B4GALT1: variants seen among roughly 807,000 people sequenced by gnomAD.
B4GALT1 encodes the protein beta-1,4-galactosyltransferase 1.
Under a neutral mutation model 34.9 loss-of-function variants are expected in B4GALT1, and 16 were observed. The observed-to-expected ratio is 0.46, with a 90% confidence interval of 0.31 to 0.70. The LOEUF is 0.70. B4GALT1 is among the 30% of genes least tolerant of loss of function. The pLI is 0.05. For missense variants in B4GALT1, 445 were observed against 530.5 expected (o/e 0.84, Z 1.58); for synonymous variants, 221 against 218.1 (o/e 1.01, Z -0.12).
At chr9:33,139,916 G>A (rs946271041) in intron 1 of B4GALT1, among the ~76,000 whole-genome samples, 3 of 152,250 alleles carry the variant, frequency 2.0e-5, no homozygotes, top group African/African-American at 7.2e-5. Context: ...GGGAGGCAGG[G>A]TTACGTAAGC....
At chr9:33,182,852 A>C in the B4GALT1 span, among the ~76,000 whole-genome samples, 1 of 152,192 alleles carries the variant, frequency 6.6e-6, no homozygotes, top group Non-Finnish European at 1.5e-5. Flanking sequence ...GAAAATTTTA[A>C]AAATATACAA....
Position 33,112,968 on chromosome 9 carries a change from G to T in B4GALT1, c.*486C>A. Reference sequence around the variant, plus strand: ...GCATACCACTGAAAGAAGGGGGTGGGGGGAGGACGTAACATTAAGAATGGT... The same window carrying T: ...GCATACCACTGAAAGAAGGGGGTGGTGGGAGGACGTAACATTAAGAATGGT... On this transcript the variant is annotated 3_prime_UTR_variant, in exon 6 of 6. Coordinates refer to ENST00000379731, the MANE Select transcript of B4GALT1 (RefSeq NM_001497.4). 4.0e-6 allele frequency: 1 copy of T among 249,092 alleles called. No homozygotes were observed. The highest frequency in any genetic ancestry group is 4.6e-5 in the South Asian group (1 of 21,702). 15.4% of individuals were successfully genotyped at this position (249,092 alleles called of 1,614,324 possible).
At chr9:33,158,729 C>A (rs920360427) in intron 1 of B4GALT1, among the ~76,000 whole-genome samples, 1 of 152,172 alleles carries the variant, frequency 6.6e-6, no homozygotes, top group Admixed American at 6.5e-5. Flanking sequence ...TGGCTCCCTG[C>A]ACCTCCTCAG....
At chr9:33,114,192 G>A (rs1839907286) in intron 4 of B4GALT1, among the ~76,000 whole-genome samples, 1 of 152,254 alleles carries the variant, frequency 6.6e-6, no homozygotes, top group Non-Finnish European at 1.5e-5. Flanking sequence ...ATGGAGGTGA[G>A]AAGAGGAAGA....
upstream of B4GALT1, among the ~76,000 whole-genome samples, chr9:33,168,355 G>A (rs183520843): frequency 1.3e-3 from 201 of 152,350 alleles, no homozygotes; most frequent in Non-Finnish European, 2.0e-3. Flanking sequence ...CTCAGGCCCT[G>A]AGTGAGCAGA....
chr9:33,150,394 G>A (rs1241704027), intron 1 of B4GALT1, among the ~76,000 whole-genome samples: 1 of 133,634 alleles, frequency 7.5e-6, no homozygotes, highest in Non-Finnish European at 1.6e-5. Context: ...CTGAAGTTAT[G>A]TCAAACTTTT....
chr9:33,141,854 C>G (rs539893435), intron 1 of B4GALT1, among the ~76,000 whole-genome samples: 1 of 152,158 alleles, frequency 6.6e-6, no homozygotes, highest in East Asian at 1.9e-4. Flanking sequence ...CATAAACCTA[C>G]AAGAAAACCT....
intron 1 of B4GALT1, among the ~76,000 whole-genome samples, chr9:33,136,309 G>A (rs767075658): frequency 1.3e-5 from 2 of 152,114 alleles, no homozygotes; most frequent in African/African-American, 2.4e-5. Flanking sequence ...GTGAGGTAAC[G>A]GCAGGTGGGA....
the B4GALT1 span, among the ~76,000 whole-genome samples, chr9:33,184,793 A>G: frequency 6.6e-6 from 1 of 152,214 alleles, no homozygotes; most frequent in East Asian, 1.9e-4. Context: ...AATGGGCCAC[A>G]CTGTTTAAGA....
At chr9:33,124,435 G>A (rs1001374444) in intron 2 of B4GALT1, among the ~76,000 whole-genome samples, 4 of 152,212 alleles carry the variant, frequency 2.6e-5, no homozygotes, top group African/African-American at 7.2e-5. Context: ...CCAGGCCTCA[G>A]TTCCCTCTTT....
chr9:33,125,147 A>G (rs772547758), intron 2 of B4GALT1, among the ~76,000 whole-genome samples: 3 of 152,228 alleles, frequency 2.0e-5, no homozygotes, highest in African/African-American at 7.2e-5. Flanking sequence ...AGAGACTGCC[A>G]CAAGATGGGG....
chr9:33,171,581 A>G (rs1383623408), upstream of B4GALT1, among the ~76,000 whole-genome samples: 1 of 151,830 alleles, frequency 6.6e-6, no homozygotes, highest in Admixed American at 6.6e-5. Flanking sequence ...TTTAGACAGG[A>G]TCTTCCTTTA....
At chr9:33,170,260 G>A (rs914725482), upstream of B4GALT1, among the ~76,000 whole-genome samples, 4 of 152,106 alleles carry the variant, frequency 2.6e-5, no homozygotes, top group African/African-American at 4.8e-5. Flanking sequence ...GTGAGCCACC[G>A]TGCCCGGCCG....
At chr9:33,157,558 AAC>A (rs1454820300) in intron 1 of B4GALT1, among the ~76,000 whole-genome samples, 1 of 152,258 alleles carries the variant, frequency 6.6e-6, no homozygotes, top group African/African-American at 2.4e-5. Flanking sequence ...GCTGCATGCA[AAC>A]AGTTTCACTC....
chr9:33,139,552 T>G (rs558870229), intron 1 of B4GALT1, among the ~76,000 whole-genome samples: 1 of 152,262 alleles, frequency 6.6e-6, no homozygotes, highest in Admixed American at 6.5e-5. Context: ...GAATGACTAA[T>G]TGGGTCGAGT....
intron 2 of B4GALT1, among the ~76,000 whole-genome samples, chr9:33,124,110 T>C (rs112148584): frequency 1.3e-5 from 2 of 152,290 alleles, no homozygotes; most frequent in African/African-American, 4.8e-5. Flanking sequence ...CTCCCCGGAA[T>C]GACAGAAAAG....
intron 2 of B4GALT1, among the ~76,000 whole-genome samples, chr9:33,127,217 C>G (rs908361411): frequency 1.3e-5 from 2 of 152,182 alleles, no homozygotes; most frequent in Admixed American, 6.5e-5. Flanking sequence ...CCCACCTCGG[C>G]CTCCCAAAGT....
At chr9:33,109,853 G>A (rs530313464), downstream of B4GALT1, among the ~76,000 whole-genome samples, 1 of 152,356 alleles carries the variant, frequency 6.6e-6, no homozygotes, top group Admixed American at 6.5e-5. Context: ...TCTAGGGGCA[G>A]AACTGAAGTG....
intron 1 of B4GALT1, among the ~76,000 whole-genome samples, chr9:33,164,729 A>G (rs1202530888): frequency 6.6e-6 from 1 of 152,164 alleles, no homozygotes; most frequent in Non-Finnish European, 1.5e-5. Flanking sequence ...CAATGTAATC[A>G]ACTTTGCGGT....
Sources: allele counts gnomAD v4.1 joint callset (sites outside exome capture counted in the v4.1 genomes callset), GRCh38; gene constraint gnomAD v4.1.1; transcripts MANE v1.5; gene names NCBI Gene and HGNC (gene_info 2026-07-23, HGNC 2026-07-21).